NRP2: variants seen among roughly 807,000 people sequenced by gnomAD.
The protein encoded by NRP2 is neuropilin 2.
NRP2 carries 52 observed loss-of-function variants against 110.4 expected under a neutral mutation model. The observed-to-expected ratio is 0.47, with a 90% CI of 0.38 to 0.59. NRP2 has a LOEUF of 0.59. Ranked by LOEUF, NRP2 falls within the 20% of genes least tolerant of loss-of-function variation. The pLI is 0.00. For missense variants in NRP2, 1,049 were observed against 1,203.0 expected (o/e 0.87, Z 1.89); for synonymous variants, 508 against 468.9 (o/e 1.08, Z -1.08).
At chr2:205,707,223 C>G (rs1184980221) in intron 2 of NRP2, among the ~76,000 whole-genome samples, 1 of 152,246 alleles carries the variant, frequency 6.6e-6, no homozygotes, top group Admixed American at 6.5e-5. Context: ...CCTCACATGG[C>G]CCGGGCTGCC....
intron 15 of NRP2, among the ~76,000 whole-genome samples, chr2:205,784,268 C>G (rs892132647): frequency 6.6e-6 from 1 of 152,172 alleles, no homozygotes; most frequent in African/African-American, 2.4e-5. Flanking sequence ...AAGCCTTGAG[C>G]TAGAGGCAGC....
intron 15 of NRP2, among the ~76,000 whole-genome samples, chr2:205,774,438 G>A (rs907943382): frequency 5.9e-5 from 9 of 152,136 alleles, no homozygotes; most frequent in Non-Finnish European, 1.2e-4. Context: ...AGGGGATCCT[G>A]GGATTCTGGG....
At position 205,790,527 on chromosome 2, in the gene NRP2, T is replaced by TATTCACATATTCA. The variant is rs1195618527; in HGVS notation, c.2426-1708_2426-1707insATTCACATATTCA. ...ACTGGCAGGAGCCCCGTGGTTCTCATCCTAGGCTGATTCACATATTCTTAT... is the reference window on the plus strand; with the variant it reads ...ACTGGCAGGAGCCCCGTGGTTCTCATATTCACATATTCACCTAGGCTGATTCACATATTCTTAT... On this transcript the variant is annotated intron_variant, in intron 15 of 16. Transcript: ENST00000357785. Among the ~76,000 whole-genome samples, 16 of 152,338 alleles carry TATTCACATATTCA rather than the reference T, an allele frequency of 1.1e-4. No individual in the cohort carries two copies. The East Asian group carries it at 3.1e-3, about 29-fold the overall frequency.
At position 205,766,819 on chromosome 2, in the gene NRP2, G is replaced by A. The variant is rs200980447; in HGVS notation, c.2425+16G>A. The A allele has an allele frequency of 1.1e-4, 171 of 1,610,152 alleles. No individual in the cohort carries two copies. The highest frequency in any genetic ancestry group is 1.4e-4 in the Non-Finnish European group (167 of 1,179,420). ...GCTTTTGCAGGTGAGAATTTTAAAG[G>A]TAAAAAAAAATTTTTTTTTTGCATG... On this transcript the variant is annotated intron_variant, in intron 15 of 16. Coordinates refer to ENST00000357785, the MANE Select transcript of NRP2 (RefSeq NM_003872.3).
chr2:205,741,654 G>T (rs149692570), intron 8 of NRP2, among the ~76,000 whole-genome samples: 1 of 152,306 alleles, frequency 6.6e-6, no homozygotes, highest in Non-Finnish European at 1.5e-5. Context: ...TTGCCTCTTT[G>T]ACCTGGAAGT....
At chr2:205,752,610 A>G (rs772984524) in intron 11 of NRP2, 34 of 561,588 alleles carry the variant, frequency 6.1e-5, no homozygotes, top group Non-Finnish European at 8.3e-5. Context: ...ATTGCTTACT[A>G]TGGGAACCAC....
chr2:205,775,552 C>A (rs1331079716), intron 15 of NRP2, among the ~76,000 whole-genome samples: 1 of 152,174 alleles, frequency 6.6e-6, no homozygotes, highest in African/African-American at 2.4e-5. Context: ...TAAAAATCCT[C>A]CATCCAATTA....
At chr2:205,787,075 C>A (rs1333026818) in intron 15 of NRP2, among the ~76,000 whole-genome samples, 1 of 152,154 alleles carries the variant, frequency 6.6e-6, no homozygotes, top group Non-Finnish European at 1.5e-5. Context: ...GTACCTTTCT[C>A]ATTTCCTTCC....
At chr2:205,717,390 T>C (rs2056922023) in intron 3 of NRP2, among the ~76,000 whole-genome samples, 1 of 152,154 alleles carries the variant, frequency 6.6e-6, no homozygotes, top group South Asian at 2.1e-4. Flanking sequence ...TTGAGTTCAG[T>C]GTGAGGGGAA....
chr2:205,735,963 C>T (rs925228162), intron 7 of NRP2, among the ~76,000 whole-genome samples: 1 of 152,180 alleles, frequency 6.6e-6, no homozygotes, highest in Non-Finnish European at 1.5e-5. Context: ...TCAACACTAG[C>T]ATCAGAAAGC....
chr2:205,717,218 CT>C (rs1450875863), intron 3 of NRP2, among the ~76,000 whole-genome samples: 1 of 152,086 alleles, frequency 6.6e-6, no homozygotes, highest in Non-Finnish European at 1.5e-5. Context: ...TCCTCCAGTC[CT>C]CCCCACCCAC....
chr2:205,749,908 G>T lies in NRP2; in HGVS notation c.1903+67G>T, dbSNP rs537967992. 123 of 1,279,992 alleles carry T rather than the reference G, an allele frequency of 9.6e-5. 3 individuals are homozygous for T. Among genetic ancestry groups the T allele is most frequent in the Non-Finnish European group, 9.1e-6 (8 of 879,004 alleles). 79.3% of individuals were successfully genotyped at this position (1,279,992 alleles called of 1,614,324 possible). A position where few individuals can be genotyped will look rare whatever the true frequency, so the allele number is the denominator to read the frequency against. On this transcript the variant is annotated intron_variant, in intron 11 of 16. Transcript: ENST00000357785. ...TCAGAGTGGGAGCTGGCCTGTGGCTGGACAGGGACCTAGTGGTCCCCCAGA... is the reference window on the plus strand; with the variant it reads ...TCAGAGTGGGAGCTGGCCTGTGGCTTGACAGGGACCTAGTGGTCCCCCAGA...
At position 205,740,644 on chromosome 2, in the gene NRP2, C is replaced by G. The variant is rs777283692; in HGVS notation, c.1272C>G (p.Leu424=). The G allele has an allele frequency of 4.3e-6, 7 of 1,614,160 alleles. No homozygotes were observed. Among genetic ancestry groups the G allele is most frequent in the South Asian group, 3.3e-5 (3 of 91,086 alleles). The change falls in exon 8 of 17, where the codon CTC becomes CTG. Residue 424 remains leucine, a synonymous_variant. Transcript: ENST00000357785. ...CAGGTATCGCCCTCCGGCTGGAGCT[C>G]TTCGGCTGCCGGGTCACAGGTGAGG... is the stretch of plus-strand genomic sequence containing the variant. ...WHSGIALRLE[L]FGCRVTDAPC...
At chr2:205,721,606 T>C (rs992907311) in intron 3 of NRP2, among the ~76,000 whole-genome samples, 1 of 152,148 alleles carries the variant, frequency 6.6e-6, no homozygotes, top group Non-Finnish European at 1.5e-5. Context: ...CTGTTCCTGC[T>C]CCTGCTGCCA....
intron 1 of NRP2, among the ~76,000 whole-genome samples, chr2:205,692,447 T>C (rs2056333040): frequency 6.6e-6 from 1 of 152,194 alleles, no homozygotes; most frequent in South Asian, 2.1e-4. Flanking sequence ...CCCGGGTTGG[T>C]GAGCAAAATT....
At chr2:205,791,480 C>T (rs2058300948) in intron 15 of NRP2, among the ~76,000 whole-genome samples, 2 of 152,190 alleles carry the variant, frequency 1.3e-5, no homozygotes, top group Admixed American at 1.3e-4. Context: ...ATAAGTTGGA[C>T]AGCACAGTGA....
chr2:205,794,385 C>T (rs370023202), intron 16 of NRP2, among the ~76,000 whole-genome samples: 7 of 152,340 alleles, frequency 4.6e-5, no homozygotes, highest in African/African-American at 1.4e-4. Flanking sequence ...GCTGGGATTA[C>T]AGGCGTGAGC....
intron 15 of NRP2, chr2:205,779,337 A>T (rs2058146980): frequency 6.6e-6 from 1 of 152,240 alleles, no homozygotes. Flanking sequence ...ACAAAAAATC[A>T]GCATTGTCAT....
Position 205,743,317 on chromosome 2 carries a change from G to A in NRP2, c.1406G>A (p.Ser469Asn), listed in dbSNP as rs749728296. 4 of 1,613,996 alleles carry A rather than the reference G, an allele frequency of 2.5e-6. No homozygotes were observed. The highest frequency in any genetic ancestry group is 2.5e-6 in the Non-Finnish European group (3 of 1,179,966). Residue 469 changes from serine (S) to asparagine (N), a missense_variant, in exon 9 of 17, where the codon AGC (serine) becomes AAC (asparagine). By Grantham distance (46) the Ser-to-Asn change is conservative. Transcript: ENST00000357785. Reference protein sequence around the residue: ...LWSPSAARLVSSRSGWFPRIP... With the variant: ...LWSPSAARLVNSRSGWFPRIP... ...AGCCCCAGTGCAGCCCGCCTGGTTA[G>A]CAGCCGCTCGGGCTGGTTCCCTCGA...
Sources: gnomAD v4.1 joint callset for allele counts (sites outside exome capture counted in the v4.1 genomes callset) on GRCh38, gnomAD v4.1.1 for gene constraint, MANE v1.5 for transcripts, NCBI Gene and HGNC (gene_info 2026-07-23, HGNC 2026-07-21) for gene names.